The following MLLT3 variants were observed in gnomAD, a reference collection of about 807,000 sequenced individuals.
The protein encoded by MLLT3 is protein AF-9.
Under a neutral mutation model 53.2 loss-of-function variants are expected in MLLT3, and 4 were observed. The ratio of observed to expected loss-of-function variants is 0.08; its 90% CI spans 0.04 to 0.17. MLLT3 has a LOEUF of 0.17. Among genes scored for constraint, MLLT3 ranks in the 10% least tolerant of loss-of-function variants. MLLT3 has a pLI of 1.00. For synonymous variants in MLLT3, 283 were observed against 230.6 expected (o/e 1.23, Z -2.06); for missense variants, 569 against 684.0 (o/e 0.83, Z 1.87).
chr9:20,563,363 T>C (rs181283158), intron 2 of MLLT3, among the ~76,000 whole-genome samples: 31 of 152,238 alleles, frequency 2.0e-4, no homozygotes, highest in African/African-American at 7.0e-4. Flanking sequence ...TATCTAATCT[T>C]ACCGTCCTAA....
chr9:20,346,423 T>C lies in MLLT3; in HGVS notation c.*20A>G. Reference sequence around the variant, plus strand: ...AAAAAAAAAACACAATAGTTCTTGATGCATCCAGTTGTTATATCCTCAGGA... The same window carrying C: ...AAAAAAAAAACACAATAGTTCTTGACGCATCCAGTTGTTATATCCTCAGGA... On this transcript the variant is annotated 3_prime_UTR_variant, in exon 11 of 11. Transcript: ENST00000380338. 1 of 1,547,808 alleles carries C rather than the reference T, an allele frequency of 6.5e-7. No individual in the cohort carries two copies. Among genetic ancestry groups the C allele is most frequent in the Non-Finnish European group, 8.7e-7 (1 of 1,151,976 alleles).
At chr9:20,413,688 G>T in intron 5 of MLLT3, 33 bp downstream of exon 5, 1 of 1,498,926 alleles carries the variant, frequency 6.7e-7, no homozygotes, top group Non-Finnish European at 8.9e-7. Context: ...CTGAAAATAA[G>T]GGAAAGGAAG....
intron 2 of MLLT3, among the ~76,000 whole-genome samples, chr9:20,457,686 T>G (rs1824006777): frequency 6.6e-6 from 1 of 152,192 alleles, no homozygotes. Context: ...TGTAAACACT[T>G]AAGATCTAAT....
intron 10 of MLLT3, among the ~76,000 whole-genome samples, chr9:20,352,600 A>T (rs760334764): frequency 4.7e-4 from 71 of 152,090 alleles, no homozygotes; most frequent in Non-Finnish European, 1.0e-4. Flanking sequence ...TACAAGGGTT[A>T]AAAAGCTTAT....
intron 2 of MLLT3, among the ~76,000 whole-genome samples, chr9:20,501,415 C>A (rs151271556): frequency 6.2e-4 from 95 of 152,214 alleles, no homozygotes; most frequent in African/African-American, 2.2e-3. Context: ...TTATTACTTA[C>A]AATATCCAAA....
At chr9:20,403,228 G>C (rs933291326) in intron 5 of MLLT3, among the ~76,000 whole-genome samples, 1 of 152,034 alleles carries the variant, frequency 6.6e-6, no homozygotes, top group African/African-American at 2.4e-5. Flanking sequence ...GAAGTTTCTT[G>C]TTCTAAAAAC....
At chr9:20,406,813 A>C (rs543798756) in intron 5 of MLLT3, among the ~76,000 whole-genome samples, 179 of 152,318 alleles carry the variant, frequency 1.2e-3, no homozygotes, top group African/African-American at 4.1e-3. Flanking sequence ...TTGTCTTCAA[A>C]CATTTTAGTA....
chr9:20,444,620 T>A (rs905356870), intron 4 of MLLT3, among the ~76,000 whole-genome samples: 4 of 152,102 alleles, frequency 2.6e-5, no homozygotes, highest in Non-Finnish European at 5.9e-5. Context: ...CACCTGTAGT[T>A]AGAGCACTTT....
chr9:20,453,033 T>C (rs1056936013), intron 3 of MLLT3, among the ~76,000 whole-genome samples: 1 of 152,156 alleles, frequency 6.6e-6, no homozygotes, highest in Admixed American at 6.6e-5. Flanking sequence ...TCTTACAAGT[T>C]AAATTAGAAA....
chr9:20,595,057 A>T (rs78879002), intron 2 of MLLT3, among the ~76,000 whole-genome samples: 2 of 151,974 alleles, frequency 1.3e-5, no homozygotes, highest in East Asian at 1.9e-4. Context: ...TAAAAAAAAA[A>T]TTACTGGGCA....
intron 5 of MLLT3, among the ~76,000 whole-genome samples, chr9:20,411,644 T>C (rs573539418): frequency 1.3e-5 from 2 of 152,338 alleles, no homozygotes; most frequent in East Asian, 3.9e-4. Flanking sequence ...ATTTACTACC[T>C]ACTGTAAAGT....
chr9:20,608,120 T>C (rs1820612936), intron 2 of MLLT3, among the ~76,000 whole-genome samples: 1 of 152,012 alleles, frequency 6.6e-6, no homozygotes, highest in Non-Finnish European at 1.5e-5. Flanking sequence ...GTTTTGGTAC[T>C]TTTTATTTCT....
chr9:20,556,868 T>C (rs755620392), intron 2 of MLLT3, among the ~76,000 whole-genome samples: 5 of 152,154 alleles, frequency 3.3e-5, no homozygotes, highest in Admixed American at 2.6e-4. Flanking sequence ...AAAAGGCCTA[T>C]TTTTAAAAGC....
chr9:20,441,499 G>A (rs1823553095), intron 4 of MLLT3, among the ~76,000 whole-genome samples: 2 of 152,144 alleles, frequency 1.3e-5, no homozygotes, highest in South Asian at 2.1e-4. Context: ...GAGTTTGTGG[G>A]GGGAGGTGGC....
chr9:20,448,658 C>T lies in MLLT3; in HGVS notation c.277-392G>A, dbSNP rs560096281. Among the ~76,000 whole-genome samples, 30 of 152,286 alleles carry T rather than the reference C, an allele frequency of 2.0e-4. No homozygotes were observed. Among genetic ancestry groups the T allele is most frequent in the African/African-American group, 6.7e-4 (28 of 41,574 alleles). On this transcript the variant is annotated intron_variant, in intron 3 of 10. Coordinates refer to ENST00000380338, the MANE Select transcript of MLLT3 (RefSeq NM_004529.4). The surrounding 1 kb of genome is among the most constrained non-coding windows in gnomAD (Gnocchi z 4.0). ...TCTTCAACAAGCCCTCTAACTCTTA[C>T]TACTAGGCTTTTACTCATGGCCCAA...
At chr9:20,571,764 T>C (rs1819538991) in intron 2 of MLLT3, among the ~76,000 whole-genome samples, 1 of 152,188 alleles carries the variant, frequency 6.6e-6, no homozygotes, top group Non-Finnish European at 1.5e-5. Context: ...CCAACAGGTA[T>C]GTGAAAAAAA....
intron 2 of MLLT3, among the ~76,000 whole-genome samples, chr9:20,526,342 C>A (rs1214442397): frequency 1.3e-5 from 2 of 152,108 alleles, no homozygotes. Flanking sequence ...TCCCCAGTAC[C>A]CACTAACATT....
At chr9:20,475,815 C>A (rs1396012926) in intron 2 of MLLT3, among the ~76,000 whole-genome samples, 1 of 152,020 alleles carries the variant, frequency 6.6e-6, no homozygotes, top group Non-Finnish European at 1.5e-5. Flanking sequence ...GAGTCCTCCT[C>A]CAAAATACAC....
intron 5 of MLLT3, among the ~76,000 whole-genome samples, chr9:20,388,902 A>T (rs1475750615): frequency 3.9e-5 from 6 of 152,226 alleles, no homozygotes; most frequent in African/African-American, 1.4e-4. Context: ...CTCAACATAT[A>T]TCAGAATTCT....
Sources: gnomAD v4.1 joint callset for allele counts (sites outside exome capture counted in the v4.1 genomes callset) on GRCh38, gnomAD v4.1.1 for gene constraint, Gnocchi (gnomAD v3.1) non-coding constraint, MANE v1.5 for transcripts, NCBI Gene and HGNC (gene_info 2026-07-23, HGNC 2026-07-21) for gene names.